ZDHHC14: variants seen among roughly 807,000 people sequenced by gnomAD.
ZDHHC14 encodes zDHHC palmitoyltransferase 14.
A neutral mutation model predicts 47.7 loss-of-function variants in ZDHHC14; 16 were observed. That is an observed-to-expected ratio of 0.34 (90% CI 0.23 to 0.51). The LOEUF is 0.51. ZDHHC14 is among the 20% of genes least tolerant of loss of function. The pLI, the probability that ZDHHC14 is intolerant of heterozygous loss-of-function variation, is 0.97. For synonymous variants in ZDHHC14, 293 were observed against 278.9 expected, an observed-to-expected ratio of 1.05 and a Z score of -0.50; for missense variants, 515 against 662.5, an observed-to-expected ratio of 0.78 and a Z score of 2.44.
At chr6:157,503,530 C>T (rs1413240722) in intron 1 of ZDHHC14, among the ~76,000 whole-genome samples, 1 of 152,162 alleles carries the variant, frequency 6.6e-6, no homozygotes, top group Admixed American at 6.5e-5. Flanking sequence ...GTGATTGCAG[C>T]ATCAGCCACA....
chr6:157,635,228 C>T (rs988853309), intron 5 of ZDHHC14, among the ~76,000 whole-genome samples: 20 of 152,136 alleles, frequency 1.3e-4, no homozygotes, highest in African/African-American at 4.3e-4. Flanking sequence ...CTCCTGACCT[C>T]GTGATCTGCC....
Position 157,573,893 on chromosome 6 carries a change from T to C in ZDHHC14, c.407-19095T>C, listed in dbSNP as rs1398713617. Among the ~76,000 whole-genome samples, 4 of 151,856 alleles carry C rather than the reference T, an allele frequency of 2.6e-5. No homozygotes were observed. The East Asian group carries it at 5.8e-4, about 22-fold the overall frequency. On this transcript the variant is annotated intron_variant, in intron 2 of 8. Coordinates refer to ENST00000359775, the MANE Select transcript of ZDHHC14 (RefSeq NM_024630.3). Reference sequence around the variant, plus strand: ...GTGCCCATGGGCCTTGGTGGGGAGATGCACGGATGCTATGGGGTCTGTGCT... The same window carrying C: ...GTGCCCATGGGCCTTGGTGGGGAGACGCACGGATGCTATGGGGTCTGTGCT...
In ZDHHC14 at chr6:157,643,681, TA is replaced by T. The variant is rs1198014360; in HGVS notation, c.753-2055del. On this transcript the variant is annotated intron_variant, in intron 5 of 8. Transcript: ENST00000359775. ...TATATATATATATATATATATGCTG[TA>T]TTTTTTTATTGTTGCTATAAACCTT... 4.5e-5 allele frequency among the ~76,000 whole-genome samples: 3 copies of T among 66,214 alleles called. 1 individual carries two copies. Among genetic ancestry groups the T allele is most frequent in the East Asian group, 3.2e-4 (1 of 3,084 alleles). The allele number at this position is 66,214 out of a possible 152,430, so 43.4% of individuals were successfully genotyped here.
intron 1 of ZDHHC14, among the ~76,000 whole-genome samples, chr6:157,496,510 T>C (rs1780069691): frequency 6.6e-6 from 1 of 152,222 alleles, no homozygotes; most frequent in Non-Finnish European, 1.5e-5. Flanking sequence ...TGTATTCATA[T>C]GGGTAGACCC....
chr6:157,456,919 C>T (rs542366242), intron 1 of ZDHHC14, among the ~76,000 whole-genome samples: 2 of 151,976 alleles, frequency 1.3e-5, no homozygotes, highest in East Asian at 1.9e-4. Context: ...AAGGCCAAGG[C>T]GGGTGGATCA....
Position 157,427,782 on chromosome 6 carries a change from G to A in ZDHHC14, c.245+45516G>A, listed in dbSNP as rs933869254. 1.3e-5 allele frequency among the ~76,000 whole-genome samples: 2 copies of A among 152,130 alleles called. No individual in the cohort carries two copies. The highest frequency in any genetic ancestry group is 2.4e-5 in the African/African-American group (1 of 41,424). On this transcript the variant is annotated intron_variant, in intron 1 of 8. Transcript: ENST00000359775. This position sits in a 1 kb window ranked among gnomAD's most constrained non-coding sequence, Gnocchi z 4.4. Reference sequence around the variant, plus strand: ...ACTGTGAGATTGACCACCTTCCATCGGAGTGTGGAAACAGGTTTTCATCAA... The same window carrying A: ...ACTGTGAGATTGACCACCTTCCATCAGAGTGTGGAAACAGGTTTTCATCAA...
chr6:157,382,916 A>G (rs761180822), intron 1 of ZDHHC14, among the ~76,000 whole-genome samples: 22 of 152,212 alleles, frequency 1.4e-4, no homozygotes, highest in Non-Finnish European at 2.9e-4. Flanking sequence ...AAAAGGTTGC[A>G]ATAAAAGGTG....
intron 1 of ZDHHC14, among the ~76,000 whole-genome samples, chr6:157,384,648 A>G (rs1777277374): frequency 6.6e-6 from 1 of 152,274 alleles, no homozygotes; most frequent in African/African-American, 2.4e-5. Flanking sequence ...TGGAAAAATC[A>G]GAGGCTATTC....
chr6:157,522,958 C>T (rs1479769788), intron 1 of ZDHHC14, among the ~76,000 whole-genome samples: 102 of 35,704 alleles, frequency 2.9e-3, no homozygotes, highest in African/African-American at 0.019. Flanking sequence ...TCCTTCCTTC[C>T]TTCTTTCTTT....
At chr6:157,444,829 G>T (rs1407306321) in intron 1 of ZDHHC14, among the ~76,000 whole-genome samples, 1 of 152,080 alleles carries the variant, frequency 6.6e-6, no homozygotes, top group African/African-American at 2.4e-5. Flanking sequence ...GCCTTCCATG[G>T]TCTAGTCAGC....
At position 157,465,105 on chromosome 6, in the gene ZDHHC14, CTT is replaced by C. The variant is rs772080368; in HGVS notation, c.246-77458_246-77457del. On this transcript the variant is annotated intron_variant, in intron 1 of 8. Coordinates refer to ENST00000359775, the MANE Select transcript of ZDHHC14 (RefSeq NM_024630.3). ...AGCAGCGTGTTTTTTTCTCTTTCTCCTTTTTTTTTTTTTTTTTTTTTTTACAT... is the reference window on the plus strand; with the variant it reads ...AGCAGCGTGTTTTTTTCTCTTTCTCCTTTTTTTTTTTTTTTTTTTTTACAT... 7.9e-3 allele frequency among the ~76,000 whole-genome samples: 806 copies of C among 102,000 alleles called. 10 individuals carry two copies. Among genetic ancestry groups the C allele is most frequent in the African/African-American group, 0.027 (690 of 25,588 alleles). The allele number at this position is 102,000 out of a possible 152,430, so 66.9% of individuals were successfully genotyped here.
At chr6:157,514,747 C>A (rs112402728) in intron 1 of ZDHHC14, among the ~76,000 whole-genome samples, 40 of 152,218 alleles carry the variant, frequency 2.6e-4, no homozygotes, top group African/African-American at 9.4e-4. Context: ...GACCCAGCCT[C>A]TCTTCCCCGC....
chr6:157,479,735 T>C (rs112406275), intron 1 of ZDHHC14, among the ~76,000 whole-genome samples: 23,951 of 152,256 alleles, frequency 0.16, 2,425 homozygotes, highest in Middle Eastern at 0.23. Context: ...TCACTCGATA[T>C]GTATGAAGTA....
intron 1 of ZDHHC14, among the ~76,000 whole-genome samples, chr6:157,393,881 T>C (rs748617008): frequency 1.3e-5 from 2 of 152,192 alleles, no homozygotes; most frequent in Non-Finnish European, 2.9e-5. Flanking sequence ...CTAAGCAAGA[T>C]TGCACGGTCA....
intron 8 of ZDHHC14, among the ~76,000 whole-genome samples, chr6:157,657,224 A>G (rs1158174330): frequency 6.6e-6 from 1 of 151,696 alleles, no homozygotes; most frequent in Non-Finnish European, 1.5e-5. Context: ...TAATTTTTGC[A>G]TTTTTTGTAG....
chr6:157,518,972 A>C (rs1267742006), intron 1 of ZDHHC14, among the ~76,000 whole-genome samples: 1 of 152,182 alleles, frequency 6.6e-6, no homozygotes, highest in Non-Finnish European at 1.5e-5. Flanking sequence ...GGACTGGGGC[A>C]GGAGAGGCAG....
At chr6:157,614,124 G>A (rs918002203) in intron 3 of ZDHHC14, among the ~76,000 whole-genome samples, 6 of 152,146 alleles carry the variant, frequency 3.9e-5, no homozygotes, top group Non-Finnish European at 8.8e-5. Context: ...AGACACCGCA[G>A]CTCTTGGTAG....
chr6:157,437,019 A>T (rs1353323350), intron 1 of ZDHHC14, among the ~76,000 whole-genome samples: 2 of 152,134 alleles, frequency 1.3e-5, no homozygotes, highest in Non-Finnish European at 2.9e-5. Context: ...GCAGCCACTG[A>T]AAAGGGGAGA....
chr6:157,675,147 C>T lies in ZDHHC14; in HGVS notation c.*2025C>T, dbSNP rs990039092. 6.6e-6 allele frequency: 1 copy of T among 152,290 alleles called. No homozygotes were observed. The highest frequency in any genetic ancestry group is 2.4e-5 in the African/African-American group (1 of 41,452). The allele number at this position is 152,290 out of a possible 1,614,324, so 9.4% of individuals were successfully genotyped here. A position where few individuals can be genotyped will look rare whatever the true frequency, so the allele number is the denominator to read the frequency against. On this transcript the variant is annotated 3_prime_UTR_variant, in exon 9 of 9. Coordinates refer to ENST00000359775, the MANE Select transcript of ZDHHC14 (RefSeq NM_024630.3). The stretch of plus-strand genomic sequence containing the variant: ...AGGAAGGAGTTGGCCCTGATGAGAA[C>T]GGTGCTCCATGGGTGACCGCGAATC...
Sources: allele counts gnomAD v4.1 joint callset (sites outside exome capture counted in the v4.1 genomes callset), GRCh38; gene constraint gnomAD v4.1.1; non-coding constraint Gnocchi (gnomAD v3.1); transcripts MANE v1.5; gene names NCBI Gene and HGNC (gene_info 2026-07-23, HGNC 2026-07-21).